Variants in SOX6 observed in about 807,000 individuals in gnomAD.
SOX6 encodes the protein transcription factor SOX-6.
A neutral mutation model predicts 97.8 loss-of-function variants in SOX6; 11 were observed. That is an observed-to-expected ratio of 0.11 (90% CI 0.07 to 0.19). The LOEUF (loss-of-function observed/expected upper bound fraction) is 0.19. SOX6 is among the 10% of genes least tolerant of loss of function. SOX6 has a pLI of 1.00. For missense variants in SOX6, 810 were observed against 1,039.5 expected (o/e 0.78, Z 3.04); for synonymous variants, 360 against 371.4 (o/e 0.97, Z 0.35).
intron 1 of SOX6, among the ~76,000 whole-genome samples, chr11:16,453,302 G>A (rs1033444457): frequency 6.6e-6 from 1 of 152,024 alleles, no homozygotes; most frequent in Admixed American, 6.6e-5. Context: ...GGCTATATAT[G>A]TTATTATGTG....
intron 4 of SOX6, among the ~76,000 whole-genome samples, chr11:16,540,272 C>G (rs759787980): frequency 3.9e-4 from 59 of 152,008 alleles, no homozygotes; most frequent in South Asian, 4.2e-4. Context: ...ATTCAACAGC[C>G]CTTCATGCTA....
chr11:16,162,600 C>T (rs940533936), intron 6 of SOX6, among the ~76,000 whole-genome samples: 19 of 152,260 alleles, frequency 1.2e-4, no homozygotes, highest in Middle Eastern at 3.4e-3. Context: ...CTTTGACTTC[C>T]GTCATGATTG....
chr11:16,172,029 A>G (rs1851052594), intron 6 of SOX6, among the ~76,000 whole-genome samples: 1 of 151,768 alleles, frequency 6.6e-6, no homozygotes, highest in Non-Finnish European at 1.5e-5. Context: ...ATAACTGAGA[A>G]GTCTCCCTTC....
intron 3 of SOX6, among the ~76,000 whole-genome samples, chr11:16,617,423 C>G (rs1848485614): frequency 6.6e-6 from 1 of 151,876 alleles, no homozygotes; most frequent in Non-Finnish European, 1.5e-5. Flanking sequence ...TATCAACCTA[C>G]TTTCAAAGTT....
chr11:16,205,756 A>G (rs1006633739), intron 4 of SOX6, among the ~76,000 whole-genome samples: 2 of 152,156 alleles, frequency 1.3e-5, no homozygotes, highest in Non-Finnish European at 2.9e-5. Flanking sequence ...AAAGTACATA[A>G]AATATTTCAT....
chr11:16,643,590 T>A (rs1274761750), intron 3 of SOX6, among the ~76,000 whole-genome samples: 1 of 152,098 alleles, frequency 6.6e-6, no homozygotes, highest in Non-Finnish European at 1.5e-5. Context: ...CCGCTTTGTT[T>A]ACCTACTCAA....
At chr11:16,310,581 A>G (rs1186091783) in intron 3 of SOX6, among the ~76,000 whole-genome samples, 1 of 152,128 alleles carries the variant, frequency 6.6e-6, no homozygotes, top group African/African-American at 2.4e-5. Flanking sequence ...AATTTAAATG[A>G]AGTTGTATCA....
intron 1 of SOX6, among the ~76,000 whole-genome samples, chr11:16,418,289 C>T (rs1188784568): frequency 1.3e-5 from 2 of 152,116 alleles, no homozygotes; most frequent in African/African-American, 2.4e-5. Context: ...TGGTAATCAT[C>T]ATTAGTTCAT....
intron 1 of SOX6, among the ~76,000 whole-genome samples, chr11:16,467,011 T>C (rs566214569): frequency 7.2e-6 from 1 of 138,284 alleles, no homozygotes; most frequent in African/African-American, 2.7e-5. Context: ...AAAGAAAACG[T>C]ACATGTGGCC....
At chr11:16,495,727 C>T (rs770433279) in intron 4 of SOX6, among the ~76,000 whole-genome samples, 5 of 152,188 alleles carry the variant, frequency 3.3e-5, no homozygotes, top group Non-Finnish European at 7.4e-5. Context: ...CCACTCAGGC[C>T]ACCATTACCA....
chr11:16,737,724 A>C, intron 1 of SOX6, among the ~76,000 whole-genome samples: 1 of 152,110 alleles, frequency 6.6e-6, no homozygotes, highest in East Asian at 1.9e-4. Context: ...ATCTGGAGAG[A>C]GGGCGAGAAA....
At chr11:15,981,853 A>T (rs1162820474) in intron 15 of SOX6, among the ~76,000 whole-genome samples, 1 of 152,092 alleles carries the variant, frequency 6.6e-6, no homozygotes. Flanking sequence ...TATTTACTTG[A>T]ATTTAAAGCT....
intron 3 of SOX6, among the ~76,000 whole-genome samples, chr11:16,664,525 C>A (rs1404542731): frequency 6.6e-6 from 1 of 152,200 alleles, no homozygotes; most frequent in Admixed American, 6.5e-5. Flanking sequence ...GAGAATTACC[C>A]ATCCCAGCAG....
intron 9 of SOX6, among the ~76,000 whole-genome samples, chr11:16,089,901 C>G (rs754715149): frequency 3.3e-4 from 50 of 152,082 alleles, no homozygotes; most frequent in Admixed American, 9.2e-4. Flanking sequence ...AGAAGTGAAG[C>G]ATTTTCTAAA....
intron 4 of SOX6, among the ~76,000 whole-genome samples, chr11:16,497,345 T>C (rs1860618405): frequency 6.6e-6 from 1 of 151,958 alleles, no homozygotes; most frequent in Non-Finnish European, 1.5e-5. Flanking sequence ...ACAAAAGGTA[T>C]ACTAAACCAC....
At chr11:15,979,928 T>C (rs970115344) in intron 15 of SOX6, among the ~76,000 whole-genome samples, 3 of 152,102 alleles carry the variant, frequency 2.0e-5, no homozygotes, top group African/African-American at 7.2e-5. Flanking sequence ...TTGAATTCTA[T>C]CACTAGAATA....
chr11:16,316,005 A>T (rs1361981601), intron 3 of SOX6: 1 of 152,108 alleles, frequency 6.6e-6, no homozygotes, highest in African/African-American at 2.4e-5. Context: ...TGAATGCATC[A>T]TACTGTACTT....
chr11:16,252,460 C>A (rs1433226814), intron 3 of SOX6: 1 of 152,128 alleles, frequency 6.6e-6, no homozygotes, highest in Non-Finnish European at 1.5e-5. Context: ...GCTGGATGCT[C>A]AGGGTGCACA....
intron 3 of SOX6, among the ~76,000 whole-genome samples, chr11:16,656,883 C>T (rs372102858): frequency 5.0e-4 from 76 of 152,144 alleles, no homozygotes; most frequent in African/African-American, 1.5e-3. Context: ...TCTCACTATC[C>T]CGGCTCACAG....
Sources: allele counts gnomAD v4.1 joint callset (sites outside exome capture counted in the v4.1 genomes callset), GRCh38; gene constraint gnomAD v4.1.1; transcripts MANE v1.5; gene names NCBI Gene and HGNC (gene_info 2026-07-23, HGNC 2026-07-21).